The following TM4SF20 variants were observed in gnomAD, a reference collection of about 807,000 sequenced individuals.
TM4SF20 encodes transmembrane 4 L six family member 20.
In TM4SF20, 13 loss-of-function variants were observed where a neutral mutation model predicts 15.1. That is an observed-to-expected ratio of 0.86 (90% confidence interval 0.56 to 1.36). The LOEUF is 1.36. TM4SF20 is among the 40% of genes most tolerant of loss of function. The probability of loss-of-function intolerance (pLI) is 0.00; values close to 1 mark genes in which losing one functional copy is unlikely to be tolerated. For synonymous variants in TM4SF20, 92 were observed against 96.6 expected (o/e 0.95, Z 0.28); for missense variants, 282 against 268.4 (o/e 1.05, Z -0.35).
intron 1 of TM4SF20, 126 bp downstream of exon 1, chr2:227,378,960 A>C: frequency 1.2e-6 from 1 of 850,374 alleles, no homozygotes; most frequent in Admixed American, 2.6e-5. Context: ...AATTAATGCC[A>C]TACTACTGCT....
intron 2 of TM4SF20, among the ~76,000 whole-genome samples, chr2:227,368,068 G>A (rs1267018852): frequency 1.5e-5 from 2 of 136,238 alleles, no homozygotes; most frequent in South Asian, 2.3e-4. Context: ...GTGTCGCCCA[G>A]GCTGGAGTGC....
At chr2:227,370,559 C>A (rs1294359875) in intron 2 of TM4SF20, among the ~76,000 whole-genome samples, 1 of 152,074 alleles carries the variant, frequency 6.6e-6, no homozygotes, top group Non-Finnish European at 1.5e-5. Context: ...GAGTTTGAGA[C>A]CAGCCTGACC....
At chr2:227,378,407 G>A (rs1361945704) in intron 1 of TM4SF20, among the ~76,000 whole-genome samples, 2 of 152,190 alleles carry the variant, frequency 1.3e-5, no homozygotes, top group Admixed American at 6.5e-5. Context: ...TGCCTCGGGT[G>A]ATTCATGTCA....
At chr2:227,364,440 G>T (rs568000394) in intron 3 of TM4SF20, among the ~76,000 whole-genome samples, 12 of 148,486 alleles carry the variant, frequency 8.1e-5, no homozygotes, top group African/African-American at 3.1e-4. Context: ...ACAGCGTGGC[G>T]TCCGTTCTTC....
At chr2:227,367,991 G>A (rs1363710694) in intron 2 of TM4SF20, among the ~76,000 whole-genome samples, 1 of 150,066 alleles carries the variant, frequency 6.7e-6, no homozygotes, top group East Asian at 2.0e-4. Flanking sequence ...TCATCAAGAA[G>A]TGCCATGGTG....
chr2:227,379,467 T>C, upstream of TM4SF20: 1 of 466,840 alleles, frequency 2.1e-6, no homozygotes. Context: ...TATGATGAGG[T>C]GAAGGAAGGA....
chr2:227,379,494 C>G (rs1185915769), upstream of TM4SF20: 1 of 438,218 alleles, frequency 2.3e-6, no homozygotes, highest in African/African-American at 2.0e-5. Context: ...AAAAAAAAAT[C>G]TATGAGATAA....
upstream of TM4SF20, among the ~76,000 whole-genome samples, chr2:227,381,063 C>A (rs2076477703): frequency 6.6e-6 from 1 of 152,028 alleles, no homozygotes; most frequent in Non-Finnish European, 1.5e-5. Context: ...TCACTTGAGC[C>A]CAGGAGTTCG....
At chr2:227,376,174 T>A (rs2076449733) in intron 1 of TM4SF20, among the ~76,000 whole-genome samples, 1 of 152,174 alleles carries the variant, frequency 6.6e-6, no homozygotes, top group Non-Finnish European at 1.5e-5. Context: ...TCCTGCAAAA[T>A]CCCATTTTTG....
intron 1 of TM4SF20, among the ~76,000 whole-genome samples, chr2:227,371,871 G>A (rs2076422886): frequency 1.3e-5 from 2 of 152,094 alleles, no homozygotes; most frequent in Admixed American, 1.3e-4. Flanking sequence ...TTTATATATT[G>A]ATGCTCAGAA....
chr2:227,379,146 A>G lies in TM4SF20; in HGVS notation c.123T>C (p.Ser41=), dbSNP rs1298971549. ...ACTCAAAGCAAGAGATGGGGTTTTGAGAAAATTGGTCTTCCTCAACTAAGC... is the reference window on the plus strand; with the variant it reads ...ACTCAAAGCAAGAGATGGGGTTTTGGGAAAATTGGTCTTCCTCAACTAAGC... The part of the protein sequence containing the change: ...IVSLVEEDQF[S]QNPISCFEWW... The change falls in exon 1 of 4, where the codon TCT becomes TCC. Residue 41 remains serine, a synonymous_variant. Transcript: ENST00000304568. 14 of 1,614,206 alleles carry G rather than the reference A, an allele frequency of 8.7e-6. No individual in the cohort carries two copies. The highest frequency in any genetic ancestry group is 1.1e-5 in the Non-Finnish European group (13 of 1,180,032).
chr2:227,366,327 T>G, intron 2 of TM4SF20, 83 bp from the exon 3 acceptor site: 1 of 1,259,302 alleles, frequency 7.9e-7, no homozygotes, highest in Non-Finnish European at 1.1e-6. Flanking sequence ...TACAGTCTTT[T>G]TTAAATCCAG....
Position 227,365,057 on chromosome 2 carries a change from C to T in TM4SF20, c.401+1036G>A, listed in dbSNP as rs547999295. Reference sequence around the variant, plus strand: ...TCCTGAGTAGCTGGGACTAGAGGCGCGTGCCACCACGCCTGGCTCATTTTT... The same window carrying T: ...TCCTGAGTAGCTGGGACTAGAGGCGTGTGCCACCACGCCTGGCTCATTTTT... On this transcript the variant is annotated intron_variant, in intron 3 of 3. Transcript: ENST00000304568. Among the ~76,000 whole-genome samples the T allele has an allele frequency of 7.9e-5, 12 of 152,240 alleles. 1 individual carries two copies. In the South Asian group the frequency reaches 8.3e-4, roughly 11 times the overall value.
At chr2:227,379,391 C>T (rs11678432), upstream of TM4SF20, 64,544 of 796,948 alleles carry the variant, frequency 0.081, 2,895 homozygotes, top group Admixed American at 0.13. Flanking sequence ...GAAAATAGTT[C>T]AGAGTCCAAT....
At chr2:227,370,361 C>T (rs2076414469) in intron 2 of TM4SF20, among the ~76,000 whole-genome samples, 1 of 151,008 alleles carries the variant, frequency 6.6e-6, no homozygotes. Flanking sequence ...GAGGAAAGGA[C>T]AATCCACGGA....
intron 1 of TM4SF20, among the ~76,000 whole-genome samples, chr2:227,376,626 A>C (rs1161448888): frequency 6.6e-6 from 1 of 152,252 alleles, no homozygotes; most frequent in Non-Finnish European, 1.5e-5. Context: ...TAGCTGTAGA[A>C]CGAGGAAGTT....
chr2:227,373,195 G>A lies in TM4SF20; in HGVS notation c.184-2215C>T, dbSNP rs527308200. ...ACATCTGCCTTTATTCTTTTAGCAC[G>A]GGTTTAAAGTTTATGCCTCTTTACA... On this transcript the variant is annotated intron_variant, in intron 1 of 3. Coordinates refer to ENST00000304568, the MANE Select transcript of TM4SF20 (RefSeq NM_024795.4). Among the ~76,000 whole-genome samples the A allele has an allele frequency of 2.6e-5, 4 of 152,176 alleles. No individual in the cohort carries two copies. The East Asian group carries it at 5.8e-4, about 22-fold the overall frequency.
chr2:227,363,475 T>A lies in TM4SF20; in HGVS notation c.*249A>T, dbSNP rs2076373457. 2.9e-6 allele frequency: 1 copy of A among 343,344 alleles called. No homozygotes were observed. Among genetic ancestry groups the A allele is most frequent in the African/African-American group, 2.2e-5 (1 of 46,100 alleles). The allele number at this position is 343,344 out of a possible 1,614,324, so 21.3% of individuals were successfully genotyped here. Reference sequence around the variant, plus strand: ...TCAGGATGACTTCCGTTCCTTCTCATCCTCCTTCCCTTCTCCTTTCTCTAC... The same window carrying A: ...TCAGGATGACTTCCGTTCCTTCTCAACCTCCTTCCCTTCTCCTTTCTCTAC... On this transcript the variant is annotated 3_prime_UTR_variant, in exon 4 of 4. Coordinates refer to ENST00000304568, the MANE Select transcript of TM4SF20 (RefSeq NM_024795.4).
chr2:227,367,499 G>A, intron 2 of TM4SF20, among the ~76,000 whole-genome samples: 1 of 151,870 alleles, frequency 6.6e-6, no homozygotes, highest in African/African-American at 2.4e-5. Flanking sequence ...CGTAGTAAGA[G>A]CCCATCTCTA....
Sources: allele counts gnomAD v4.1 joint callset (sites outside exome capture counted in the v4.1 genomes callset), GRCh38; gene constraint gnomAD v4.1.1; transcripts MANE v1.5; gene names NCBI Gene and HGNC (gene_info 2026-07-23, HGNC 2026-07-21).